Variants in C1GALT1 observed in about 807,000 individuals in gnomAD.
C1GALT1 encodes core 1 synthase, glycoprotein-N-acetylgalactosamine 3-beta-galactosyltransferase 1, also known as glycoprotein-N-acetylgalactosamine 3-beta-galactosyltransferase 1.
A neutral mutation model predicts 31.0 loss-of-function variants in C1GALT1; 11 were observed. The ratio of observed to expected loss-of-function variants is 0.36; its 90% confidence interval spans 0.22 to 0.59. The LOEUF (loss-of-function observed/expected upper bound fraction) is 0.59, where lower values mean the gene tolerates loss of function less well. Ranked by LOEUF, C1GALT1 falls within the 20% of genes least tolerant of loss-of-function variation. C1GALT1 has a pLI of 0.79. For missense variants in C1GALT1, 424 were observed against 425.2 expected (o/e 1.00, Z 0.03); for synonymous variants, 175 against 143.6 (o/e 1.22, Z -1.56).
intron 1 of C1GALT1, among the ~76,000 whole-genome samples, chr7:7,231,593 C>T (rs977502598): frequency 4.6e-5 from 7 of 152,024 alleles, no homozygotes; most frequent in African/African-American, 7.2e-5. Flanking sequence ...CTATTCTATG[C>T]CTAATTTCTT....
chr7:7,219,987 T>C (rs1262737050), intron 1 of C1GALT1, among the ~76,000 whole-genome samples: 2 of 152,230 alleles, frequency 1.3e-5, no homozygotes, highest in East Asian at 1.9e-4. Flanking sequence ...TGATTCTGAT[T>C]TGGGATATTA....
intron 2 of C1GALT1, among the ~76,000 whole-genome samples, chr7:7,175,084 G>T (rs950109259): frequency 2.4e-4 from 37 of 152,146 alleles, no homozygotes; most frequent in African/African-American, 8.2e-4. Flanking sequence ...CTATGATGTG[G>T]TAACTAGAAA....
intron 2 of C1GALT1, among the ~76,000 whole-genome samples, chr7:7,158,671 A>C (rs1196863442): frequency 6.6e-6 from 1 of 151,458 alleles, no homozygotes; most frequent in Admixed American, 6.6e-5. Context: ...ATATGTATAT[A>C]TACATATATA....
At chr7:7,173,872 A>C (rs1295829911) in intron 2 of C1GALT1, among the ~76,000 whole-genome samples, 3 of 152,150 alleles carry the variant, frequency 2.0e-5, no homozygotes, top group African/African-American at 7.2e-5. Context: ...ATGCCACTGC[A>C]CTCCAACCTG....
At chr7:7,237,846 G>T (rs1783435006) in intron 2 of C1GALT1, among the ~76,000 whole-genome samples, 1 of 152,140 alleles carries the variant, frequency 6.6e-6, no homozygotes, top group Admixed American at 6.5e-5. Flanking sequence ...CTTTTATGAA[G>T]TGCCAAGCAG....
At chr7:7,200,950 T>C (rs938635132) in intron 1 of C1GALT1, among the ~76,000 whole-genome samples, 1 of 152,212 alleles carries the variant, frequency 6.6e-6, no homozygotes, top group Non-Finnish European at 1.5e-5. Flanking sequence ...AGCATCCTCC[T>C]TTAGCTCGGA....
intron 1 of C1GALT1, among the ~76,000 whole-genome samples, chr7:7,216,528 T>C (rs959883488): frequency 1.3e-5 from 1 of 75,782 alleles, no homozygotes; most frequent in African/African-American, 7.3e-5. Context: ...GGAGAGGCTG[T>C]CACCTTTCGG....
rs1236192888 is a variant in C1GALT1, at chr7:7,164,575, A to G, written c.-18+7149A>G. Among the ~76,000 whole-genome samples, 7 of 152,180 alleles carry G rather than the reference A, an allele frequency of 4.6e-5. No individual in the cohort carries two copies. The East Asian group carries it at 9.6e-4, about 21-fold the overall frequency. ...AAGATCAGCACCTGTGCATGGAAAG[A>G]GACAGAAGCAGGATTGGACAGTGGG... On this transcript the variant is annotated intron_variant, in intron 2 of 3. Transcript: ENST00000429911.
rs376057308 is a variant in C1GALT1, at chr7:7,238,460, A to C, written c.426A>C (p.Gln142His). The change falls in exon 3 of 4, where the codon CAA (glutamine) becomes CAC (histidine). Residue 142 changes from glutamine to histidine, a missense_variant. Coordinates refer to ENST00000436587, the MANE Select transcript of C1GALT1 (RefSeq NM_020156.5). This position sits in a 1 kb window ranked among gnomAD's most constrained non-coding sequence, Gnocchi z 5.2. ...VGLKTKEGRD[Q>H]LYWKTIKAFQ... is the part of the protein sequence containing the mutation. ...TGAAAACCAAAGAAGGCAGAGATCA[A>C]CTATACTGGAAAACAATTAAAGCTT... 6.2e-7 allele frequency: 1 copy of C among 1,613,810 alleles called. No individual in the cohort carries two copies. Among genetic ancestry groups the C allele is most frequent in the Non-Finnish European group, 8.5e-7 (1 of 1,179,968 alleles).
intron 1 of C1GALT1, chr7:7,183,655 G>C: frequency 2.1e-6 from 2 of 942,394 alleles, no homozygotes; most frequent in Non-Finnish European, 2.5e-6. Flanking sequence ...TTCTTTCCTG[G>C]TCCTTACCGT....
chr7:7,189,522 T>C (rs896831846), intron 1 of C1GALT1, among the ~76,000 whole-genome samples: 6 of 152,188 alleles, frequency 3.9e-5, no homozygotes, highest in African/African-American at 1.4e-4. Context: ...AATTTGAACA[T>C]CGTTGACCAT....
chr7:7,229,332 A>G (rs1489999149), intron 1 of C1GALT1, among the ~76,000 whole-genome samples: 3 of 152,182 alleles, frequency 2.0e-5, no homozygotes, highest in Non-Finnish European at 2.9e-5. Flanking sequence ...GAATCAGAGG[A>G]TGTAGAGAGT....
intron 2 of C1GALT1, 68 bp downstream of exon 2, chr7:7,234,607 CTG>C (rs1205466832): frequency 1.7e-6 from 2 of 1,165,090 alleles, no homozygotes; most frequent in African/African-American, 1.5e-5. Context: ...ATATTCCTGT[CTG>C]TATCTGTTAA....
chr7:7,225,896 A>G (rs773658823), intron 1 of C1GALT1, among the ~76,000 whole-genome samples: 5 of 152,170 alleles, frequency 3.3e-5, no homozygotes, highest in African/African-American at 1.2e-4. Context: ...AAGGGAAAGG[A>G]TATGGAAAGT....
chr7:7,221,095 C>T (rs534783665), intron 1 of C1GALT1, among the ~76,000 whole-genome samples: 54 of 152,238 alleles, frequency 3.5e-4, no homozygotes, highest in Non-Finnish European at 2.5e-4. Flanking sequence ...TGGATCCTTT[C>T]AGTGTGAAAA....
chr7:7,245,119 T>A lies in C1GALT1; in HGVS notation c.*1392T>A, dbSNP rs1783789895. 6.6e-6 allele frequency: 1 copy of A among 152,390 alleles called. No homozygotes were observed. The highest frequency in any genetic ancestry group is 2.4e-5 in the African/African-American group (1 of 41,602). The allele number at this position is 152,390 out of a possible 1,614,324, so 9.4% of individuals were successfully genotyped here. A position where few individuals can be genotyped will look rare whatever the true frequency, so the allele number is the denominator to read the frequency against. On this transcript the variant is annotated 3_prime_UTR_variant, in exon 4 of 4. Coordinates refer to ENST00000436587, the MANE Select transcript of C1GALT1 (RefSeq NM_020156.5). Reference sequence around the variant, plus strand: ...ATAGCAGAATATTTTACAGACTTTCTATGAGATTATTTTTATGGTACAAAG... The same window carrying A: ...ATAGCAGAATATTTTACAGACTTTCAATGAGATTATTTTTATGGTACAAAG...
At chr7:7,183,060 C>A (rs1029575822) in intron 1 of C1GALT1, among the ~76,000 whole-genome samples, 1 of 152,158 alleles carries the variant, frequency 6.6e-6, no homozygotes, top group Non-Finnish European at 1.5e-5. Flanking sequence ...TACCCGGCCT[C>A]AATTTTGTGG....
chr7:7,157,435 A>G (rs962953430), intron 2 of C1GALT1: 1 of 152,156 alleles, frequency 6.6e-6, no homozygotes, highest in African/African-American at 2.4e-5. Flanking sequence ...TGGTGAGTAG[A>G]ACTTATCTTT....
chr7:7,184,906 C>A (rs989415425), intron 1 of C1GALT1, among the ~76,000 whole-genome samples: 4 of 152,126 alleles, frequency 2.6e-5, no homozygotes, highest in African/African-American at 9.7e-5. Context: ...TTAAGTCATT[C>A]TTTTAAAAGA....
Sources: allele counts gnomAD v4.1 joint callset (sites outside exome capture counted in the v4.1 genomes callset), GRCh38; gene constraint gnomAD v4.1.1; non-coding constraint Gnocchi (gnomAD v3.1); transcripts MANE v1.5; gene names NCBI Gene and HGNC (gene_info 2026-07-23, HGNC 2026-07-21).